Variants in DISP1 observed in about 807,000 individuals in gnomAD.
DISP1 encodes dispatched RND transporter family member 1.
DISP1 carries 30 observed loss-of-function variants against 37.3 expected under a neutral mutation model. The observed-to-expected ratio is 0.80, with a 90% CI of 0.60 to 1.09. The LOEUF is 1.09. DISP1 is among the 50% of genes least tolerant of loss of function. The pLI, the probability that DISP1 is intolerant of heterozygous loss-of-function variation, is 0.00. For synonymous variants in DISP1, 634 were observed against 690.2 expected (o/e 0.92, Z 1.28); for missense variants, 1,598 against 1,879.5 (o/e 0.85, Z 2.77).
At chr1:222,835,359 C>T (rs571468333) in intron 1 of DISP1, 26 of 152,192 alleles carry the variant, frequency 1.7e-4, no homozygotes, top group Admixed American at 3.3e-4. Flanking sequence ...ATATTCACTC[C>T]GTATTGGAGT....
intron 1 of DISP1, among the ~76,000 whole-genome samples, chr1:222,897,229 A>T (rs1418279282): frequency 6.6e-6 from 1 of 152,246 alleles, no homozygotes; most frequent in Non-Finnish European, 1.5e-5. Context: ...ACAAAAGAGT[A>T]TATATTATAT....
intron 1 of DISP1, among the ~76,000 whole-genome samples, chr1:222,851,154 C>T (rs2125309232): frequency 6.6e-6 from 1 of 151,472 alleles, no homozygotes; most frequent in South Asian, 2.1e-4. Flanking sequence ...GCAACCTCCG[C>T]CTCCTGGGTT....
chr1:222,997,211 A>G (rs1231761268), intron 8 of DISP1, among the ~76,000 whole-genome samples: 3 of 152,174 alleles, frequency 2.0e-5, no homozygotes, highest in Non-Finnish European at 2.9e-5. Flanking sequence ...GGAGGAAAAT[A>G]ATAAAGCTAA....
At chr1:222,952,231 G>A (rs763210641) in intron 3 of DISP1, among the ~76,000 whole-genome samples, 24 of 152,112 alleles carry the variant, frequency 1.6e-4, no homozygotes, top group Non-Finnish European at 3.1e-4. Flanking sequence ...TAAAAATTTG[G>A]TTATTTGGTT....
At position 222,961,487 on chromosome 1, in the gene DISP1, A is replaced by G. The variant is rs367613374; in HGVS notation, c.509+18155A>G. Among the ~76,000 whole-genome samples, 13 of 152,312 alleles carry G rather than the reference A, an allele frequency of 8.5e-5. No homozygotes were observed. The East Asian group carries it at 2.5e-3, about 29-fold the overall frequency. On this transcript the variant is annotated intron_variant, in intron 3 of 8. Coordinates refer to ENST00000675850, the MANE Select transcript of DISP1 (RefSeq NM_001377229.1). The stretch of plus-strand genomic sequence containing the variant: ...ACGTATCTCAGAATAATAGCTATTC[A>G]TGATAAAACCCACAGCCAATATCAT...
In DISP1 at chr1:222,952,803, C is replaced by T. The variant is rs565470711; in HGVS notation, c.509+9471C>T. Among the ~76,000 whole-genome samples, 12 of 152,088 alleles carry T rather than the reference C, an allele frequency of 7.9e-5. No individual in the cohort carries two copies. The South Asian group carries it at 1.0e-3, about 13-fold the overall frequency. ...CGGTGGTTGCAGTGAGCCGAGATCG[C>T]GCCACTGCACTCCAGCCTGGCGACA... On this transcript the variant is annotated intron_variant, in intron 3 of 8. Transcript: ENST00000675850.
chr1:222,840,622 G>T (rs1337909923), intron 1 of DISP1, among the ~76,000 whole-genome samples: 1 of 147,700 alleles, frequency 6.8e-6, no homozygotes, highest in African/African-American at 2.5e-5. Context: ...GAGTGCAGTG[G>T]TGCTATCTCG....
intron 1 of DISP1, among the ~76,000 whole-genome samples, chr1:222,880,697 T>C (rs1670225356): frequency 6.6e-6 from 1 of 152,132 alleles, no homozygotes; most frequent in Non-Finnish European, 1.5e-5. Context: ...AAGATGGTTC[T>C]GGTGGAAAGA....
intron 1 of DISP1, among the ~76,000 whole-genome samples, chr1:222,874,645 T>C (rs1009277319): frequency 6.6e-6 from 1 of 152,202 alleles, no homozygotes; most frequent in Non-Finnish European, 1.5e-5. Context: ...TTGGTTATTC[T>C]AGTTATCCAT....
intron 1 of DISP1, among the ~76,000 whole-genome samples, chr1:222,863,954 G>A (rs1669028339): frequency 6.6e-6 from 1 of 152,120 alleles, no homozygotes; most frequent in South Asian, 2.1e-4. Context: ...GAGATGCCCT[G>A]TTTCCTTTTA....
At chr1:222,970,668 T>C (rs1676870648) in intron 3 of DISP1, among the ~76,000 whole-genome samples, 1 of 152,208 alleles carries the variant, frequency 6.6e-6, no homozygotes, top group Non-Finnish European at 1.5e-5. Flanking sequence ...CTCCTTATTT[T>C]ACAGAGGAGA....
At chr1:222,952,707 G>A (rs1468612157) in intron 3 of DISP1, among the ~76,000 whole-genome samples, 2 of 152,064 alleles carry the variant, frequency 1.3e-5, no homozygotes, top group Admixed American at 1.3e-4. Context: ...AAAATTAGCT[G>A]GGTGTGGTGG....
chr1:222,830,920 T>C (rs1384734560), intron 1 of DISP1: 1 of 152,206 alleles, frequency 6.6e-6, no homozygotes, highest in Non-Finnish European at 1.5e-5. Flanking sequence ...CTGGTCTTTT[T>C]TGTTTTAGGG....
chr1:222,820,628 GTAA>G (rs1335977169), intron 1 of DISP1, among the ~76,000 whole-genome samples: 1 of 152,144 alleles, frequency 6.6e-6, no homozygotes, highest in East Asian at 1.9e-4. Context: ...CTGAATTATG[GTAA>G]TAATAATAAT....
chr1:222,979,846 G>T, intron 3 of DISP1: 1 of 226,574 alleles, frequency 4.4e-6, no homozygotes, highest in Non-Finnish European at 9.5e-6. Flanking sequence ...TTTGACAAGT[G>T]TGCTTACCAA....
Position 222,854,182 on chromosome 1 carries a change from C to T in DISP1, c.-159+39104C>T, listed in dbSNP as rs145503778. Among the ~76,000 whole-genome samples, 3 of 152,258 alleles carry T rather than the reference C, an allele frequency of 2.0e-5. No homozygotes were observed. The East Asian group carries it at 5.8e-4, about 29-fold the overall frequency. ...AACTCTGTTTCCTTGATTCACAGATCTCTTAACAAGACTGAATCATAGAAG... is the reference window on the plus strand; with the variant it reads ...AACTCTGTTTCCTTGATTCACAGATTTCTTAACAAGACTGAATCATAGAAG... On this transcript the variant is annotated intron_variant, in intron 1 of 8. Coordinates refer to ENST00000675850, the MANE Select transcript of DISP1 (RefSeq NM_001377229.1).
chr1:222,849,984 G>C (rs1205560141), intron 1 of DISP1, among the ~76,000 whole-genome samples: 1 of 152,126 alleles, frequency 6.6e-6, no homozygotes, highest in Non-Finnish European at 1.5e-5. Context: ...AATAAAGATT[G>C]AGAGGCTGGC....
At chr1:222,824,784 G>A (rs1477797761) in intron 1 of DISP1, among the ~76,000 whole-genome samples, 1 of 152,066 alleles carries the variant, frequency 6.6e-6, no homozygotes, top group African/African-American at 2.4e-5. Context: ...GTTGGAATGT[G>A]AGGCTGGAAC....
chr1:222,913,388 A>T (rs1374137944), intron 1 of DISP1, among the ~76,000 whole-genome samples: 1 of 152,200 alleles, frequency 6.6e-6, no homozygotes, highest in Non-Finnish European at 1.5e-5. Context: ...GACTCAAATG[A>T]TCTAGAATAT....
Sources: allele counts gnomAD v4.1 joint callset (sites outside exome capture counted in the v4.1 genomes callset), GRCh38; gene constraint gnomAD v4.1.1; transcripts MANE v1.5; gene names NCBI Gene and HGNC (gene_info 2026-07-23, HGNC 2026-07-21).